The following ULK4 variants were observed in gnomAD, a reference collection of about 807,000 sequenced individuals.
ULK4 encodes the protein inactive serine/threonine-protein kinase ULK4.
Under a neutral mutation model 160.6 loss-of-function variants are expected in ULK4, and 133 were observed. That is an observed-to-expected ratio of 0.83 (90% CI 0.72 to 0.96). The LOEUF (loss-of-function observed/expected upper bound fraction) is 0.96. Among genes scored for constraint, ULK4 ranks in the 40% least tolerant of loss-of-function variants. The probability of loss-of-function intolerance (pLI) is 0.00; values close to 1 mark genes in which losing one functional copy is unlikely to be tolerated. For missense variants in ULK4, 1,580 were observed against 1,499.5 expected, an observed-to-expected ratio of 1.05 and a Z score of -0.89; for synonymous variants, 534 against 539.8, an observed-to-expected ratio of 0.99 and a Z score of 0.15.
rs2037229106 is a variant in ULK4, at chr3:41,715,290, A to T, written c.2581T>A (p.Phe861Ile). 1 of 1,613,804 alleles carries T rather than the reference A, an allele frequency of 6.2e-7. No homozygotes were observed. The change falls in exon 25 of 37, where the codon TTT becomes ATT. Residue 861 changes from phenylalanine to isoleucine, a missense_variant. Coordinates refer to ENST00000301831, the MANE Select transcript of ULK4 (RefSeq NM_017886.4). ...VVLHLVTSQVFRPQVVTEEFL... is the reference protein window; with the variant it reads ...VVLHLVTSQVIRPQVVTEEFL... ...TCTTCTGTCACAACTTGAGGTCGAAATACCTGTGTGATGAGAGTTTCTACA... is the reference window on the plus strand; with the variant it reads ...TCTTCTGTCACAACTTGAGGTCGAATTACCTGTGTGATGAGAGTTTCTACA...
chr3:41,789,147 A>T (rs1002321597), intron 21 of ULK4, among the ~76,000 whole-genome samples: 2 of 152,214 alleles, frequency 1.3e-5, no homozygotes, highest in South Asian at 4.1e-4. Flanking sequence ...CAGTTCTGTG[A>T]TACGAATTTA....
intron 35 of ULK4, among the ~76,000 whole-genome samples, chr3:41,304,197 C>A (rs1381171082): frequency 1.4e-5 from 2 of 143,992 alleles, no homozygotes; most frequent in Non-Finnish European, 1.5e-5. Flanking sequence ...CGCTTGAGCC[C>A]AGGAGACGGA....
chr3:41,369,624 C>T (rs1453247161), intron 35 of ULK4, among the ~76,000 whole-genome samples: 1 of 151,748 alleles, frequency 6.6e-6, no homozygotes, highest in African/African-American at 2.4e-5. Flanking sequence ...GAAAACCCGT[C>T]TCTACTAAAA....
At chr3:41,660,434 A>G (rs959875033) in intron 30 of ULK4, among the ~76,000 whole-genome samples, 1 of 152,260 alleles carries the variant, frequency 6.6e-6, no homozygotes, top group Non-Finnish European at 1.5e-5. Context: ...GAGACTTCTC[A>G]GTATCTACCT....
At chr3:41,648,758 C>A (rs1401651307) in intron 30 of ULK4, among the ~76,000 whole-genome samples, 1 of 152,132 alleles carries the variant, frequency 6.6e-6, no homozygotes, top group Non-Finnish European at 1.5e-5. Flanking sequence ...GTAAGAACAT[C>A]AATCTAGCAG....
At chr3:41,688,611 A>G (rs779373692) in intron 27 of ULK4, among the ~76,000 whole-genome samples, 21 of 151,554 alleles carry the variant, frequency 1.4e-4, no homozygotes, top group Non-Finnish European at 7.3e-5. Context: ...GAACAAAACA[A>G]AACAAAATCT....
intron 19 of ULK4, among the ~76,000 whole-genome samples, chr3:41,816,125 T>C (rs1166653173): frequency 6.6e-6 from 1 of 151,780 alleles, no homozygotes; most frequent in Non-Finnish European, 1.5e-5. Context: ...GTCTTATATA[T>C]ACATATTATA....
chr3:41,433,847 C>A (rs988036031), intron 34 of ULK4, among the ~76,000 whole-genome samples: 1 of 152,156 alleles, frequency 6.6e-6, no homozygotes, highest in Non-Finnish European at 1.5e-5. Flanking sequence ...AGCCTCCAGA[C>A]TAGCTGGGAC....
At chr3:41,293,056 AG>A (rs1369789874) in intron 35 of ULK4, among the ~76,000 whole-genome samples, 1 of 152,212 alleles carries the variant, frequency 6.6e-6, no homozygotes. Context: ...CAGGAGGCAG[AG>A]GTTTTGGTGA....
intron 32 of ULK4, among the ~76,000 whole-genome samples, chr3:41,561,975 T>C (rs1692002): frequency 0.62 from 94,307 of 151,934 alleles, 30,283 homozygotes; most frequent in Admixed American, 0.73. Flanking sequence ...TTAGATCTTT[T>C]CTGCTTTCTC....
At chr3:41,817,324 C>A (rs951023562) in intron 19 of ULK4, among the ~76,000 whole-genome samples, 1 of 152,118 alleles carries the variant, frequency 6.6e-6, no homozygotes, top group African/African-American at 2.4e-5. Context: ...TTTCTGTATT[C>A]ATTCATCCAC....
At chr3:41,896,676 A>G (rs1038632433) in intron 15 of ULK4, 146 bp downstream of exon 15, 6 of 875,638 alleles carry the variant, frequency 6.9e-6, no homozygotes, top group African/African-American at 1.7e-5. Context: ...GGACCTAAGG[A>G]TTAAGCAGAG....
At chr3:41,832,673 G>T (rs1476526061) in intron 18 of ULK4, among the ~76,000 whole-genome samples, 1 of 152,152 alleles carries the variant, frequency 6.6e-6, no homozygotes, top group Non-Finnish European at 1.5e-5. Context: ...ATGGTTTTGG[G>T]CTTTACATTT....
intron 32 of ULK4, among the ~76,000 whole-genome samples, chr3:41,503,774 C>T (rs957547053): frequency 2.0e-5 from 3 of 151,862 alleles, no homozygotes; most frequent in Non-Finnish European, 2.9e-5. Flanking sequence ...TTTCAATGTC[C>T]TAAAATGATA....
chr3:41,944,757 C>A (rs572644263), intron 2 of ULK4, among the ~76,000 whole-genome samples: 1 of 152,078 alleles, frequency 6.6e-6, no homozygotes, highest in Admixed American at 6.6e-5. Context: ...CCCCCTTAAA[C>A]ATATTTCAGT....
At chr3:41,675,540 G>A (rs1272513447) in intron 29 of ULK4, among the ~76,000 whole-genome samples, 1 of 151,196 alleles carries the variant, frequency 6.6e-6, no homozygotes, top group Non-Finnish European at 1.5e-5. Flanking sequence ...CAGTGAGCCA[G>A]GATTGCACTA....
At chr3:41,555,256 T>G (rs1301353490) in intron 32 of ULK4, among the ~76,000 whole-genome samples, 1 of 151,832 alleles carries the variant, frequency 6.6e-6, no homozygotes, top group Non-Finnish European at 1.5e-5. Flanking sequence ...TACAAATTTT[T>G]GCAAACTATG....
intron 25 of ULK4, among the ~76,000 whole-genome samples, chr3:41,707,282 G>T (rs2036935317): frequency 6.6e-6 from 1 of 152,136 alleles, no homozygotes; most frequent in African/African-American, 2.4e-5. Flanking sequence ...AAACAAAGGG[G>T]TAAACCTCCA....
intron 29 of ULK4, among the ~76,000 whole-genome samples, chr3:41,681,145 G>A (rs1374481828): frequency 6.6e-6 from 1 of 152,136 alleles, no homozygotes; most frequent in African/African-American, 2.4e-5. Context: ...TATTATTTCT[G>A]AGTAGAGCCA....
Sources: allele counts gnomAD v4.1 joint callset (sites outside exome capture counted in the v4.1 genomes callset), GRCh38; gene constraint gnomAD v4.1.1; transcripts MANE v1.5; gene names NCBI Gene and HGNC (gene_info 2026-07-23, HGNC 2026-07-21).